ZNF536: variants seen among roughly 807,000 people sequenced by gnomAD.
The protein encoded by ZNF536 is zinc finger protein 536.
In ZNF536, 13 loss-of-function variants were observed where a neutral mutation model predicts 84.5. The ratio of observed to expected loss-of-function variants is 0.15; its 90% CI spans 0.10 to 0.24. ZNF536 has a LOEUF of 0.24. ZNF536 is among the 10% of genes least tolerant of loss of function. ZNF536 has a pLI of 1.00. For missense variants in ZNF536, 1,536 were observed against 1,747.5 expected (o/e 0.88, Z 2.16); for synonymous variants, 811 against 742.5 (o/e 1.09, Z -1.50).
chr19:30,234,397 C>CTTTTTTTTTTTTTTTTTTT (rs5827694), intron 1 of ZNF536, among the ~76,000 whole-genome samples: 1 of 82,394 alleles, frequency 1.2e-5, no homozygotes, highest in Non-Finnish European at 2.1e-5. Context: ...AGGCTCCTTC[C>CTTTTTTTTTTTTTTTTTTT]TTTTTTTTTT....
At position 30,588,505 on chromosome 19, in the gene ZNF536, G is replaced by A. The variant is rs2047171898; in HGVS notation, c.169+38991G>A. On this transcript the variant is annotated intron_variant, in intron 1 of 1. Coordinates refer to the ZNF536 transcript ENST00000592773. ...ACATGAGGTGGCAGTTTCCCTGTGTGAGGGGACCACTCACACAGGGAGTTG... is the reference window on the plus strand; with the variant it reads ...ACATGAGGTGGCAGTTTCCCTGTGTAAGGGGACCACTCACACAGGGAGTTG... Among the ~76,000 whole-genome samples, 3 of 152,174 alleles carry A rather than the reference G, an allele frequency of 2.0e-5. 1 individual carries two copies. The South Asian group carries it at 6.2e-4, about 32-fold the overall frequency.
At chr19:30,316,294 A>G (rs768915521) in intron 2 of ZNF536, among the ~76,000 whole-genome samples, 4 of 152,202 alleles carry the variant, frequency 2.6e-5, no homozygotes, top group Non-Finnish European at 4.4e-5. Flanking sequence ...ACTGAATGTT[A>G]TTGCTCCTTT....
chr19:30,266,232 T>G (rs770957832), intron 1 of ZNF536, among the ~76,000 whole-genome samples: 4 of 152,152 alleles, frequency 2.6e-5, no homozygotes, highest in Non-Finnish European at 4.4e-5. Context: ...ATTTTTTTTG[T>G]AGAGAGGGGG....
chr19:30,498,355 G>A lies in ZNF536; in HGVS notation c.2171-36492G>A, dbSNP rs1293227092. ...ATGCAGGAACAGAAAACCAAACACC[G>A]CATGTTCTCACTTATAAGTGGGAGC... On this transcript the variant is annotated intron_variant, in intron 2 of 4. Transcript: ENST00000355537. Among the ~76,000 whole-genome samples the A allele has an allele frequency of 3.9e-5, 6 of 152,166 alleles. No homozygotes were observed. In the East Asian group the frequency reaches 9.7e-4, roughly 25 times the overall value.
At chr19:30,262,857 G>A (rs1207335240) in intron 1 of ZNF536, among the ~76,000 whole-genome samples, 1 of 152,204 alleles carries the variant, frequency 6.6e-6, no homozygotes, top group African/African-American at 2.4e-5. Context: ...TTCTGAGGAC[G>A]CCTCCAAGGA....
At chr19:30,281,793 C>T (rs1379632773) in intron 1 of ZNF536, among the ~76,000 whole-genome samples, 1 of 152,152 alleles carries the variant, frequency 6.6e-6, no homozygotes, top group East Asian at 1.9e-4. Context: ...TAGTTCATAC[C>T]ATGCTTTTTG....
In ZNF536 at chr19:30,445,500, G is replaced by T; in HGVS notation, c.1938G>T (p.Val646=). 6.2e-7 allele frequency: 1 copy of T among 1,614,080 alleles called. No homozygotes were observed. The highest frequency in any genetic ancestry group is 8.5e-7 in the Non-Finnish European group (1 of 1,180,028). ...GGGTGTTCCGCACTTACCACCAGGT[G>T]GTCGTGCACTCCCGTGTCCACAAGC... The part of the protein sequence containing the change: ...CGRVFRTYHQ[V]VVHSRVHKRD... The change falls in exon 2 of 5, where the codon GTG becomes GTT. Residue 646 remains valine, a synonymous_variant. Transcript: ENST00000355537. The surrounding 1 kb of genome is among the most constrained non-coding windows in gnomAD (Gnocchi z 4.5).
intron 2 of ZNF536, among the ~76,000 whole-genome samples, chr19:30,480,775 C>T (rs996417720): frequency 6.6e-6 from 1 of 152,080 alleles, no homozygotes; most frequent in African/African-American, 2.4e-5. Flanking sequence ...GTGGCTCATG[C>T]CTGTAATCCC....
intron 1 of ZNF536, among the ~76,000 whole-genome samples, chr19:30,650,824 A>G (rs1156345644): frequency 6.6e-6 from 1 of 152,220 alleles, no homozygotes; most frequent in African/African-American, 2.4e-5. Context: ...CAATGAAAAT[A>G]TGTGTTAAAA....
intron 2 of ZNF536, among the ~76,000 whole-genome samples, chr19:30,515,888 G>T (rs759130630): frequency 1.3e-5 from 2 of 151,828 alleles, no homozygotes; most frequent in Non-Finnish European, 2.9e-5. Context: ...TTAGCAGGGC[G>T]TGGTGGGAGG....
intron 1 of ZNF536, among the ~76,000 whole-genome samples, chr19:30,603,284 G>A (rs577143985): frequency 6.6e-6 from 1 of 152,296 alleles, no homozygotes; most frequent in South Asian, 2.1e-4. Flanking sequence ...GGAAAACAAA[G>A]GAAAGAAAGA....
At chr19:30,480,563 G>A (rs748413592) in intron 2 of ZNF536, among the ~76,000 whole-genome samples, 14 of 152,124 alleles carry the variant, frequency 9.2e-5, no homozygotes, top group Non-Finnish European at 1.9e-4. Flanking sequence ...TAGGGGGCAA[G>A]GGGAGGGAGA....
rs572442469 is a variant in ZNF536, at chr19:30,401,169, A to G, written c.-3+28613A>G. 1.3e-3 allele frequency among the ~76,000 whole-genome samples: 194 copies of G among 152,258 alleles called. 2 individuals carry two copies. The highest frequency in any genetic ancestry group is 0.01 in the Middle Eastern group (3 of 294). On this transcript the variant is annotated intron_variant, in intron 1 of 4. Transcript: ENST00000355537. ...GCTTTTGCATCCTTGTCAAAAATCA[A>G]TTGGCCTTACCTGTGTGGGGGGCTA... is the stretch of plus-strand genomic sequence containing the variant.
At chr19:30,672,618 A>C (rs2050599932) in intron 1 of ZNF536, among the ~76,000 whole-genome samples, 1 of 152,244 alleles carries the variant, frequency 6.6e-6, no homozygotes, top group Admixed American at 6.5e-5. Flanking sequence ...TAGTAAGAGC[A>C]TGGGGGAGAA....
intron 1 of ZNF536, among the ~76,000 whole-genome samples, chr19:30,230,743 G>T (rs534061136): frequency 1.4e-4 from 21 of 152,276 alleles, no homozygotes; most frequent in Middle Eastern, 3.4e-3. Flanking sequence ...GGTAACCAAA[G>T]AAATTTCCAT....
intron 1 of ZNF536, among the ~76,000 whole-genome samples, chr19:30,610,124 G>A (rs2048052578): frequency 6.6e-6 from 1 of 152,204 alleles, no homozygotes; most frequent in South Asian, 2.1e-4. Context: ...CACATCCCCA[G>A]CCCTCAGAAA....
At chr19:30,593,591 CT>C (rs2047345605) in intron 1 of ZNF536, among the ~76,000 whole-genome samples, 1 of 152,240 alleles carries the variant, frequency 6.6e-6, no homozygotes, top group South Asian at 2.1e-4. Flanking sequence ...CTCTTCTAGT[CT>C]TTGGCGAGGC....
At chr19:30,459,486 G>T (rs543921700) in intron 2 of ZNF536, among the ~76,000 whole-genome samples, 2 of 151,908 alleles carry the variant, frequency 1.3e-5, no homozygotes, top group South Asian at 4.2e-4. Flanking sequence ...AAGTAGCTGG[G>T]ACTCCAGGTG....
chr19:30,702,090 G>A (rs2052008605), intron 1 of ZNF536, among the ~76,000 whole-genome samples: 1 of 152,212 alleles, frequency 6.6e-6, no homozygotes, highest in Admixed American at 6.5e-5. Context: ...AAAGCCAGCT[G>A]CCCACAAGTG....
Sources: allele counts gnomAD v4.1 joint callset (sites outside exome capture counted in the v4.1 genomes callset), GRCh38; gene constraint gnomAD v4.1.1; non-coding constraint Gnocchi (gnomAD v3.1); transcripts MANE v1.5; gene names NCBI Gene and HGNC (gene_info 2026-07-23, HGNC 2026-07-21).